The following ZNF23 variants were observed in gnomAD, a reference collection of about 807,000 sequenced individuals.
The protein encoded by ZNF23 is kruppel-like zinc finger factor X31.
Under a neutral mutation model 56.2 loss-of-function variants are expected in ZNF23, and 48 were observed. The observed-to-expected ratio is 0.85, with a 90% confidence interval of 0.68 to 1.09. ZNF23 has a LOEUF of 1.09. ZNF23 is among the 50% of genes least tolerant of loss of function. The pLI, the probability that ZNF23 is intolerant of heterozygous loss-of-function variation, is 0.00. For synonymous variants in ZNF23, 266 were observed against 283.3 expected (o/e 0.94, Z 0.61); for missense variants, 805 against 811.4 (o/e 0.99, Z 0.10).
intron 3 of ZNF23, chr16:71,453,566 G>A (rs952140358): frequency 1.1e-5 from 6 of 528,786 alleles, no homozygotes; most frequent in African/African-American, 3.8e-5. Flanking sequence ...GTGGGGGTTG[G>A]GGGTGAAGGC....
rs183045155 is a variant in ZNF23, at chr16:71,454,426, T to G, written c.34-258A>C. ...ATTAAGACAGGCTGAAAGAAAAAAA[T>G]TTCCATAAGCAAATTCTCTAAAGCC... On this transcript the variant is annotated intron_variant, in intron 2 of 4. Transcript: ENST00000647773. Among the ~76,000 whole-genome samples, 368 of 151,868 alleles carry G rather than the reference T, an allele frequency of 2.4e-3. 1 individual carries two copies. The highest frequency in any genetic ancestry group is 3.9e-3 in the Non-Finnish European group (267 of 67,944).
chr16:71,459,517 TA>T (rs2145136121), intron 1 of ZNF23, among the ~76,000 whole-genome samples: 1 of 152,366 alleles, frequency 6.6e-6, no homozygotes, highest in Admixed American at 6.5e-5. Context: ...AAGCTTAGAC[TA>T]CAAAAGGCTT....
intron 1 of ZNF23, among the ~76,000 whole-genome samples, chr16:71,458,148 G>A (rs968873573): frequency 6.6e-6 from 1 of 152,232 alleles, no homozygotes; most frequent in Admixed American, 6.5e-5. Flanking sequence ...TTCTGATAGT[G>A]AATGAGCCAA....
intron 2 of ZNF23, 128 bp from the exon 3 acceptor site, chr16:71,454,296 G>A: frequency 4.8e-6 from 6 of 1,262,212 alleles, no homozygotes; most frequent in African/African-American, 1.5e-5. Flanking sequence ...TAACAACAAG[G>A]GGAAGATCTC....
At position 71,448,849 on chromosome 16, in the gene ZNF23, A is replaced by C; in HGVS notation, c.1305T>G (p.Tyr435Ter). ...HQRIHTGEKPYECTECGKAFS... is the reference protein window; with the variant it reads ...HQRIHTGEKP ...AGGCTTTTCCACATTCAGTGCATTC[A>C]TAGGGTTTCTCACCTGTGTGGATTC... The change falls in exon 5 of 5, where the codon TAT becomes TAG. Residue 435 changes from tyrosine (Y) to a stop codon, truncating the protein, a stop_gained. Coordinates refer to ENST00000647773, the MANE Select transcript of ZNF23 (RefSeq NM_001381984.1). LOFTEE classifies it high-confidence loss of function. The C allele has an allele frequency of 6.2e-7, 1 of 1,614,204 alleles. No individual in the cohort carries two copies. Among genetic ancestry groups the C allele is most frequent in the Non-Finnish European group, 8.5e-7 (1 of 1,180,036 alleles).
At chr16:71,455,435 C>T (rs2043195101) in intron 2 of ZNF23, among the ~76,000 whole-genome samples, 1 of 152,152 alleles carries the variant, frequency 6.6e-6, no homozygotes, top group African/African-American at 2.4e-5. Flanking sequence ...CGGCTCACTG[C>T]ACCCTCTGCC....
At chr16:71,452,584 CA>C (rs1300758201) in intron 4 of ZNF23, 2 of 152,218 alleles carry the variant, frequency 1.3e-5, no homozygotes, top group African/African-American at 4.8e-5. Flanking sequence ...ATTTAAGAAG[CA>C]AAAATTAAGA....
At chr16:71,457,307 G>A (rs2043270008) in intron 1 of ZNF23, among the ~76,000 whole-genome samples, 1 of 151,892 alleles carries the variant, frequency 6.6e-6, no homozygotes, top group Non-Finnish European at 1.5e-5. Flanking sequence ...GCTCAAGCCT[G>A]TAATCCCAGC....
intron 2 of ZNF23, 31 bp downstream of exon 2, chr16:71,456,733 A>G: frequency 2.0e-6 from 2 of 986,106 alleles, no homozygotes; most frequent in East Asian, 1.1e-4. Context: ...GAAACTGCCC[A>G]GAGGAAGAGC....
intron 1 of ZNF23, among the ~76,000 whole-genome samples, chr16:71,458,852 G>A (rs952631857): frequency 6.6e-6 from 1 of 152,230 alleles, no homozygotes; most frequent in African/African-American, 2.4e-5. Flanking sequence ...CCAGTCTATG[G>A]TATTTTGTTA....
chr16:71,449,532 C>T lies in ZNF23; in HGVS notation c.622G>A (p.Glu208Lys), dbSNP rs1473245287. The T allele has an allele frequency of 6.2e-7, 1 of 1,613,956 alleles. No individual in the cohort carries two copies. The highest frequency in any genetic ancestry group is 8.5e-7 in the Non-Finnish European group (1 of 1,180,018). The change falls in exon 5 of 5, where the codon GAA becomes AAA. Residue 208 changes from glutamate to lysine, a missense_variant. Transcript: ENST00000647773. ...AATTCTTCACATTTGAAAGGTCTTT[C>T]CTCAGAATTAATTATTTCATGCTTC... ...LVKHEIINSE[E>K]RPFKCEELVE...
intron 1 of ZNF23, chr16:71,461,621 C>T (rs8051212): frequency 0.71 from 107,786 of 152,114 alleles, 39,246 homozygotes; most frequent in African/African-American, 0.86. Context: ...TCCCAGGTCA[C>T]TGTCAACCCT....
At position 71,449,535 on chromosome 16, in the gene ZNF23, C is replaced by T. The variant is rs1414814966; in HGVS notation, c.619G>A (p.Glu207Lys). 1.2e-6 allele frequency: 2 copies of T among 1,613,982 alleles called. No individual in the cohort carries two copies. The highest frequency in any genetic ancestry group is 1.6e-4 in the Middle Eastern group (1 of 6,084). Reference sequence around the variant, plus strand: ...TCTTCACATTTGAAAGGTCTTTCCTCAGAATTAATTATTTCATGCTTCACG... The same window carrying T: ...TCTTCACATTTGAAAGGTCTTTCCTTAGAATTAATTATTTCATGCTTCACG... ...KLVKHEIINS[E>K]ERPFKCEELV... The change falls in exon 5 of 5, where the codon GAG becomes AAG. Residue 207 changes from glutamate to lysine, a missense_variant. Transcript: ENST00000647773.
intron 1 of ZNF23, among the ~76,000 whole-genome samples, chr16:71,457,478 G>A (rs1321056905): frequency 6.6e-6 from 1 of 152,126 alleles, no homozygotes; most frequent in Non-Finnish European, 1.5e-5. Context: ...CAGGAGAATG[G>A]TGTGAACCCG....
intron 2 of ZNF23, among the ~76,000 whole-genome samples, chr16:71,455,486 A>C (rs1171201200): frequency 6.6e-6 from 1 of 152,052 alleles, no homozygotes; most frequent in South Asian, 2.1e-4. Context: ...CCTCCTGAGT[A>C]GCTGGGACTA....
Position 71,449,386 on chromosome 16 carries a change from C to G in ZNF23, c.768G>C (p.Trp256Cys). 6.2e-7 allele frequency: 1 copy of G among 1,614,230 alleles called. No individual in the cohort carries two copies. Among genetic ancestry groups the G allele is most frequent in the Non-Finnish European group, 8.5e-7 (1 of 1,180,038 alleles). ...TCTCCCCACTGTGAAGTCTCTGATG[C>G]CAAATTAATTTCTCATTAATGCTGA... ...KAFSINEKLI[W>C]HQRLHSGEKP... The change falls in exon 5 of 5, where the codon TGG (tryptophan) becomes TGC (cysteine). Residue 256 changes from tryptophan to cysteine, a missense_variant. Physicochemically the swap from Trp to Cys is radical, Grantham distance 215. Transcript: ENST00000647773.
intron 1 of ZNF23, among the ~76,000 whole-genome samples, chr16:71,460,444 A>T (rs1385091777): frequency 1.3e-5 from 2 of 152,200 alleles, no homozygotes; most frequent in Non-Finnish European, 2.9e-5. Context: ...CTCTCACAAA[A>T]CACTGAGCTC....
chr16:71,460,215 G>A (rs1273321564), intron 1 of ZNF23, among the ~76,000 whole-genome samples: 1 of 152,194 alleles, frequency 6.6e-6, no homozygotes, highest in East Asian at 1.9e-4. Flanking sequence ...CTGTCCTGCT[G>A]CCATCCAGGA....
rs750972052 is a variant in ZNF23, at chr16:71,448,138, G to A, written c.2016C>T (p.Phe672=). 2 of 1,613,084 alleles carry A rather than the reference G, an allele frequency of 1.2e-6. No individual in the cohort carries two copies. Among genetic ancestry groups the A allele is most frequent in the Non-Finnish European group, 8.5e-7 (1 of 1,179,720 alleles). Residue 672 remains phenylalanine, a synonymous_variant, in exon 5 of 5, where the codon TTC becomes TTT. Coordinates refer to ENST00000647773, the MANE Select transcript of ZNF23 (RefSeq NM_001381984.1). ...SVCGKAFRFS[F]QLSQHQSVHS... ...GGACACTCTGATGCTGACTGAGCTG[G>A]AAGCTAAACCTGAATGCTTTCCCAC...
Sources: gnomAD v4.1 joint callset for allele counts (sites outside exome capture counted in the v4.1 genomes callset) on GRCh38, gnomAD v4.1.1 for gene constraint, MANE v1.5 for transcripts, NCBI Gene and HGNC (gene_info 2026-07-23, HGNC 2026-07-21) for gene names.